The following USH2A variants were observed in gnomAD, a reference collection of about 807,000 sequenced individuals.
USH2A encodes Usher syndrome 2A (autosomal recessive, mild).
Under a neutral mutation model 538.9 loss-of-function variants are expected in USH2A, and 443 were observed. That is an observed-to-expected ratio of 0.82 (90% confidence interval 0.76 to 0.89). USH2A has a LOEUF of 0.89. Among genes scored for constraint, USH2A ranks in the 40% least tolerant of loss-of-function variants. The pLI, the probability that USH2A is intolerant of heterozygous loss-of-function variation, is 0.00. For synonymous variants in USH2A, 2,413 were observed against 2,273.5 expected (o/e 1.06, Z -1.75); for missense variants, 6,633 against 6,324.8 (o/e 1.05, Z -1.65).
Position 215,940,306 on chromosome 1 carries a change from CA to C in USH2A, c.7121-5512del, listed in dbSNP as rs531463654. ...CACTATCACGAAATTCTGCCAATACCAAAATCAGAAGACACTGAATTGTGAT... is the reference window on the plus strand; with the variant it reads ...CACTATCACGAAATTCTGCCAATACCAAATCAGAAGACACTGAATTGTGAT... On this transcript the variant is annotated intron_variant, in intron 37 of 71. Coordinates refer to ENST00000307340, the MANE Select transcript of USH2A (RefSeq NM_206933.4). Among the ~76,000 whole-genome samples, 771 of 152,076 alleles carry C rather than the reference CA, an allele frequency of 5.1e-3. 9 individuals are homozygous for C. Among genetic ancestry groups the C allele is most frequent in the African/African-American group, 0.018 (732 of 41,524 alleles).
intron 31 of USH2A, among the ~76,000 whole-genome samples, chr1:216,047,705 G>A (rs1182418334): frequency 6.6e-6 from 1 of 152,164 alleles, no homozygotes; most frequent in Non-Finnish European, 1.5e-5. Flanking sequence ...GAAAGAGAGA[G>A]AGAGAAAGAC....
At chr1:216,275,229 C>A (rs2036650493) in intron 11 of USH2A, among the ~76,000 whole-genome samples, 1 of 151,854 alleles carries the variant, frequency 6.6e-6, no homozygotes, top group South Asian at 2.1e-4. Flanking sequence ...ATATATGTCA[C>A]CATGTTAAAT....
intron 32 of USH2A, among the ~76,000 whole-genome samples, chr1:216,032,803 G>A (rs1191617464): frequency 6.6e-6 from 1 of 152,056 alleles, no homozygotes; most frequent in African/African-American, 2.4e-5. Flanking sequence ...CAGGCAACAT[G>A]GAAACAGGGA....
At chr1:215,643,571 G>T (rs1234952148) in intron 67 of USH2A, among the ~76,000 whole-genome samples, 7 of 151,374 alleles carry the variant, frequency 4.6e-5, no homozygotes, top group Admixed American at 3.9e-4. Flanking sequence ...TGTTGCCAAG[G>T]TTGGAGTGCA....
Position 216,232,052 on chromosome 1 carries a change from C to T in USH2A, c.2894G>A (p.Ser965Asn), listed in dbSNP as rs777177159. ...TTGGCAAACACACTGACCAGTCAGG[C>T]TATTACAGATGTGATTAACTGCACC... ...TTGAVNHICN[S>N]LTGQCVCQDA... Residue 965 changes from serine to asparagine, a missense_variant, in exon 14 of 72, where the codon AGC becomes AAC. Coordinates refer to ENST00000307340, the MANE Select transcript of USH2A (RefSeq NM_206933.4). 2.5e-6 allele frequency: 4 copies of T among 1,613,910 alleles called. No individual in the cohort carries two copies. In the African/African-American group the frequency reaches 5.3e-5, roughly 22 times the overall value.
intron 21 of USH2A, among the ~76,000 whole-genome samples, chr1:216,150,909 C>T (rs961541578): frequency 2.3e-4 from 35 of 152,222 alleles, no homozygotes; most frequent in Non-Finnish European, 4.3e-4. Context: ...TTGGAGCCTT[C>T]CAGCTCCATA....
At chr1:215,797,208 C>G (rs1412675956) in intron 50 of USH2A, among the ~76,000 whole-genome samples, 4 of 152,190 alleles carry the variant, frequency 2.6e-5, no homozygotes, top group African/African-American at 9.6e-5. Context: ...GAGGAAGCTG[C>G]AGAAGAATAG....
At chr1:216,369,001 A>G (rs1027507313) in intron 3 of USH2A, among the ~76,000 whole-genome samples, 1 of 152,186 alleles carries the variant, frequency 6.6e-6, no homozygotes, top group African/African-American at 2.4e-5. Flanking sequence ...TTCCCCTTAA[A>G]AGATCATGAT....
chr1:216,262,626 A>G (rs1411917717), intron 11 of USH2A, among the ~76,000 whole-genome samples: 1 of 152,082 alleles, frequency 6.6e-6, no homozygotes, highest in East Asian at 1.9e-4. Flanking sequence ...GCTTAGAAAG[A>G]CAAGATGACA....
intron 43 of USH2A, among the ~76,000 whole-genome samples, chr1:215,876,000 G>A (rs1056156335): frequency 6.7e-6 from 1 of 149,362 alleles, no homozygotes; most frequent in African/African-American, 2.5e-5. Context: ...TGGAGGGGGC[G>A]GGGGGAAGGG....
intron 61 of USH2A, among the ~76,000 whole-genome samples, chr1:215,719,961 A>G (rs2797218): frequency 0.21 from 32,214 of 152,164 alleles, 3,722 homozygotes; most frequent in African/African-American, 0.3. Flanking sequence ...GGCTTGTGCA[A>G]CTAGAAAGAT....
chr1:215,773,514 CTCTCTCTCT>C (rs1661359689), intron 55 of USH2A, among the ~76,000 whole-genome samples: 1 of 148,550 alleles, frequency 6.7e-6, no homozygotes, highest in African/African-American at 2.4e-5. Flanking sequence ...CTCTCTCTGT[CTCTCTCTCT>C]CTCTCTCTCT....
At position 215,694,390 on chromosome 1, in the gene USH2A, T is replaced by G. The variant is rs530916199; in HGVS notation, c.12067-14014A>C. ...AGATCAAGACCATCCCGGCTAACAC[T>G]GTGAAACCCCGTTTCTACTAAAAAT... On this transcript the variant is annotated intron_variant, in intron 61 of 71. Transcript: ENST00000307340. Among the ~76,000 whole-genome samples the G allele has an allele frequency of 4.6e-4, 70 of 152,234 alleles. 1 individual carries two copies. In the South Asian group the frequency reaches 0.013, roughly 29 times the overall value.
rs74322214 is a variant in USH2A at position 216,377,185 on chromosome 1, A to G, written c.652-12100T>C. On this transcript the variant is annotated intron_variant, in intron 3 of 71. Transcript: ENST00000307340. ...CCTTCAGAGAACTGTATTATGAAAT[A>G]TGATTTGAATTGTTTGTTTAAATAA... 5.1e-4 allele frequency among the ~76,000 whole-genome samples: 77 copies of G among 152,316 alleles called. 1 individual carries two copies. In the East Asian group the frequency reaches 0.011, roughly 21 times the overall value.
At chr1:216,027,187 A>T (rs1417957224) in intron 32 of USH2A, among the ~76,000 whole-genome samples, 1 of 152,174 alleles carries the variant, frequency 6.6e-6, no homozygotes, top group African/African-American at 2.4e-5. Flanking sequence ...AAATAAGGCC[A>T]TTATGATGAG....
intron 32 of USH2A, among the ~76,000 whole-genome samples, chr1:216,005,790 AT>A (rs1374594859): frequency 6.6e-6 from 1 of 152,186 alleles, no homozygotes; most frequent in African/African-American, 2.4e-5. Flanking sequence ...AATAAAAAAA[AT>A]AAAAACAAAA....
chr1:216,174,506 T>C, intron 21 of USH2A: 3 of 985,418 alleles, frequency 3.0e-6, no homozygotes, highest in Middle Eastern at 5.2e-4. Flanking sequence ...GAGTTCAATC[T>C]GTCTTTATTT....
intron 3 of USH2A, among the ~76,000 whole-genome samples, chr1:216,373,008 C>G (rs1464198725): frequency 6.6e-6 from 1 of 152,246 alleles, no homozygotes; most frequent in East Asian, 1.9e-4. Context: ...AATGTCCTCT[C>G]CTTAAAAGTG....
intron 32 of USH2A, among the ~76,000 whole-genome samples, chr1:216,033,277 A>T (rs1669171014): frequency 6.6e-6 from 1 of 152,206 alleles, no homozygotes; most frequent in Non-Finnish European, 1.5e-5. Context: ...ACTATTAAAA[A>T]CTATCATCTC....
Sources: gnomAD v4.1 joint callset for allele counts (sites outside exome capture counted in the v4.1 genomes callset) on GRCh38, gnomAD v4.1.1 for gene constraint, MANE v1.5 for transcripts, NCBI Gene and HGNC (gene_info 2026-07-23, HGNC 2026-07-21) for gene names.